WDFY1: variants seen among roughly 807,000 people sequenced by gnomAD.
WDFY1 encodes WD repeat and FYVE domain containing 1.
WDFY1 carries 32 observed loss-of-function variants against 56.4 expected under a neutral mutation model. That is an observed-to-expected ratio of 0.57 (90% CI 0.43 to 0.76). WDFY1 has a LOEUF of 0.76. Ranked by LOEUF, WDFY1 falls within the 30% of genes least tolerant of loss-of-function variation. WDFY1 has a pLI of 0.00. For synonymous variants in WDFY1, 192 were observed against 197.3 expected (o/e 0.97, Z 0.23); for missense variants, 480 against 545.7 (o/e 0.88, Z 1.20).
In WDFY1 at chr2:223,876,370, G is replaced by A. The variant is rs1003771365; in HGVS notation, c.*2301C>T. 3.3e-5 allele frequency: 5 copies of A among 152,480 alleles called. No individual in the cohort carries two copies. Among genetic ancestry groups the A allele is most frequent in the Non-Finnish European group, 2.9e-5 (2 of 67,990 alleles). The allele number at this position is 152,480 out of a possible 1,614,324, so 9.4% of individuals were successfully genotyped here. A position where few individuals can be genotyped will look rare whatever the true frequency, so the allele number is the denominator to read the frequency against. On this transcript the variant is annotated 3_prime_UTR_variant, in exon 12 of 12. Transcript: ENST00000233055. ...TGTACTTTTCTTCTGTGCCTACTCA[G>A]TAAAATTGAGAAAATAATTTTTGCC...
chr2:223,930,828 G>A (rs369744517), intron 1 of WDFY1, among the ~76,000 whole-genome samples: 4 of 152,126 alleles, frequency 2.6e-5, no homozygotes, highest in South Asian at 4.1e-4. Context: ...AGCCATCCTC[G>A]GCCCGCCTGT....
intron 1 of WDFY1, among the ~76,000 whole-genome samples, chr2:223,918,812 C>T (rs747999493): frequency 1.3e-4 from 19 of 151,998 alleles, no homozygotes; most frequent in Non-Finnish European, 2.5e-4. Context: ...TGGAGAGGGG[C>T]GCCACGCACA....
chr2:223,931,702 T>C (rs1694077549), intron 1 of WDFY1, among the ~76,000 whole-genome samples: 1 of 151,284 alleles, frequency 6.6e-6, no homozygotes, highest in Admixed American at 6.6e-5. Context: ...TTTTTTTTTT[T>C]TTGAGACAGA....
chr2:223,909,384 C>T (rs1049077646), intron 3 of WDFY1, among the ~76,000 whole-genome samples: 3 of 152,082 alleles, frequency 2.0e-5, no homozygotes, highest in Admixed American at 6.5e-5. Context: ...CACTCCAAAA[C>T]AGTGTCATTA....
intron 1 of WDFY1, among the ~76,000 whole-genome samples, chr2:223,918,938 T>C (rs542343): frequency 1 from 152,289 of 152,304 alleles, 76,137 homozygotes; most frequent in Middle Eastern, 1. Context: ...ATGCACAGGG[T>C]GATGAGGAAA....
At chr2:223,900,025 T>C (rs1236615274) in intron 5 of WDFY1, among the ~76,000 whole-genome samples, 2 of 152,230 alleles carry the variant, frequency 1.3e-5, no homozygotes, top group Non-Finnish European at 2.9e-5. Flanking sequence ...ATATATTAAC[T>C]ATTGGTCACA....
rs557421533 is a variant in WDFY1 at position 223,899,333 on chromosome 2, C to A, written c.486-263G>T. The A allele has an allele frequency of 6.2e-5, 22 of 352,720 alleles. No homozygotes were observed. The East Asian group carries it at 1.1e-3, about 18-fold the overall frequency. The allele number at this position is 352,720 out of a possible 1,614,324, so 21.8% of individuals were successfully genotyped here. Reference sequence around the variant, plus strand: ...TCATTCAACAGGAACTCATTGAGTGCCTGTTACTATATCAAGCAAGATCCC... The same window carrying A: ...TCATTCAACAGGAACTCATTGAGTGACTGTTACTATATCAAGCAAGATCCC... On this transcript the variant is annotated intron_variant, in intron 5 of 11. Transcript: ENST00000233055.
intron 8 of WDFY1, among the ~76,000 whole-genome samples, chr2:223,886,554 A>T (rs1050929194): frequency 2.0e-5 from 3 of 151,610 alleles, no homozygotes. Context: ...GTGAAACCCC[A>T]TCTCTACTAA....
intron 1 of WDFY1, among the ~76,000 whole-genome samples, chr2:223,919,277 C>A (rs993954833): frequency 3.3e-5 from 5 of 152,236 alleles, no homozygotes; most frequent in Admixed American, 3.3e-4. Context: ...GTGGCACGAT[C>A]TCGGCTCACT....
chr2:223,907,796 G>C (rs1693623334), intron 3 of WDFY1, among the ~76,000 whole-genome samples: 1 of 151,854 alleles, frequency 6.6e-6, no homozygotes, highest in Non-Finnish European at 1.5e-5. Context: ...TGGGCAGGGA[G>C]CCTGTCCCTT....
At chr2:223,915,137 T>C (rs1693765998) in intron 2 of WDFY1, among the ~76,000 whole-genome samples, 1 of 152,250 alleles carries the variant, frequency 6.6e-6, no homozygotes, top group Non-Finnish European at 1.5e-5. Context: ...TTCACTCTGT[T>C]TTCTTCTTGT....
intron 1 of WDFY1, among the ~76,000 whole-genome samples, chr2:223,926,610 C>T (rs1307593965): frequency 6.6e-6 from 1 of 151,534 alleles, no homozygotes; most frequent in Non-Finnish European, 1.5e-5. Flanking sequence ...CATACATTTA[C>T]ATATATATGT....
intron 3 of WDFY1, among the ~76,000 whole-genome samples, chr2:223,911,770 A>G (rs534760565): frequency 3.0e-4 from 46 of 152,204 alleles, no homozygotes; most frequent in Admixed American, 6.5e-4. Context: ...GTTTAAAATT[A>G]AGCAATAATT....
intron 1 of WDFY1, 144 bp from the exon 2 acceptor site, chr2:223,918,154 T>G: frequency 3.0e-6 from 2 of 665,762 alleles, no homozygotes; most frequent in Non-Finnish European, 5.1e-6. Flanking sequence ...GACAAATATA[T>G]ACATACATGT....
Position 223,925,429 on chromosome 2 carries a change from C to G in WDFY1, c.138-7419G>C, listed in dbSNP as rs140678796. 8.7e-3 allele frequency among the ~76,000 whole-genome samples: 1,325 copies of G among 152,090 alleles called. 19 individuals carry two copies. Among genetic ancestry groups the G allele is most frequent in the African/African-American group, 0.028 (1,143 of 41,448 alleles). On this transcript the variant is annotated intron_variant, in intron 1 of 11. Coordinates refer to ENST00000233055, the MANE Select transcript of WDFY1 (RefSeq NM_020830.5). ...ACCTTAGTTTTAAAATACTTTATTG[C>G]TAAAAAAAAGTTAACGATCATCTGA...
At chr2:223,884,859 CTTTTTTT>C in intron 8 of WDFY1, 110 bp from the exon 9 acceptor site, 1 of 689,262 alleles carries the variant, frequency 1.5e-6, no homozygotes, top group Non-Finnish European at 2.2e-6. Flanking sequence ...TTCTTTTCTT[CTTTTTTT>C]TTTTTTTTTG....
In WDFY1 at chr2:223,884,623, A is replaced by T. The variant is rs186520291; in HGVS notation, c.933+25T>A. ...ATAGTGAAATACACAATCAAGCCAG[A>T]GATGACTCGACAGTGGCTACTCACT... On this transcript the variant is annotated intron_variant, in intron 9 of 11. Transcript: ENST00000233055. The T allele has an allele frequency of 3.2e-4, 514 of 1,605,996 alleles. 2 individuals are homozygous for T. In the African/African-American group the frequency reaches 5.0e-3, roughly 16 times the overall value.
chr2:223,914,328 C>T (rs1026039580), intron 2 of WDFY1, among the ~76,000 whole-genome samples: 2 of 152,168 alleles, frequency 1.3e-5, no homozygotes, highest in African/African-American at 4.8e-5. Flanking sequence ...GCCATCACTG[C>T]AGTCCAAAAT....
At chr2:223,922,350 A>C (rs1378396667) in intron 1 of WDFY1, among the ~76,000 whole-genome samples, 1 of 152,228 alleles carries the variant, frequency 6.6e-6, no homozygotes, top group African/African-American at 2.4e-5. Context: ...TATTACTTAA[A>C]TCAGAATGTT....
Sources: gnomAD v4.1 joint callset for allele counts (sites outside exome capture counted in the v4.1 genomes callset) on GRCh38, gnomAD v4.1.1 for gene constraint, MANE v1.5 for transcripts, NCBI Gene and HGNC (gene_info 2026-07-23, HGNC 2026-07-21) for gene names.